Variants in ZNF804B observed in about 807,000 individuals in gnomAD.
ZNF804B encodes the protein zinc finger 804B.
In ZNF804B, 80 loss-of-function variants were observed where a neutral mutation model predicts 101.4. The ratio of observed to expected loss-of-function variants is 0.79; its 90% CI spans 0.66 to 0.95. The LOEUF is 0.95. Ranked by LOEUF, ZNF804B falls within the 40% of genes least tolerant of loss-of-function variation. The pLI, the probability that ZNF804B is intolerant of heterozygous loss-of-function variation, is 0.00. For synonymous variants in ZNF804B, 622 were observed against 558.8 expected (o/e 1.11, Z -1.59); for missense variants, 1,673 against 1,561.9 (o/e 1.07, Z -1.20).
At chr7:89,107,375 TG>T (rs1297036960) in intron 1 of ZNF804B, among the ~76,000 whole-genome samples, 1 of 152,108 alleles carries the variant, frequency 6.6e-6, no homozygotes, top group Non-Finnish European at 1.5e-5. Context: ...TCCATATGTT[TG>T]AGATATCTAT....
chr7:88,946,260 C>T (rs1226890780), intron 1 of ZNF804B, among the ~76,000 whole-genome samples: 2 of 151,032 alleles, frequency 1.3e-5, no homozygotes, highest in East Asian at 2.0e-4. Flanking sequence ...AGATACATTC[C>T]ATCGATACCT....
At chr7:89,290,395 A>C (rs1218843492) in intron 2 of ZNF804B, among the ~76,000 whole-genome samples, 1 of 152,122 alleles carries the variant, frequency 6.6e-6, no homozygotes, top group Non-Finnish European at 1.5e-5. Context: ...AATGGAGTAT[A>C]GCAAAAGTGG....
chr7:88,914,337 T>TCTC (rs1356296014), intron 1 of ZNF804B, among the ~76,000 whole-genome samples: 1 of 152,172 alleles, frequency 6.6e-6, no homozygotes, highest in African/African-American at 2.4e-5. Context: ...TGGCGTGCTC[T>TCTC]CTCCTGCTCC....
intron 1 of ZNF804B, among the ~76,000 whole-genome samples, chr7:88,955,356 C>T (rs1355118802): frequency 6.6e-6 from 1 of 151,392 alleles, no homozygotes; most frequent in Non-Finnish European, 1.5e-5. Context: ...GCTTTAATGT[C>T]TTTTTGGAGC....
chr7:89,232,313 T>A (rs886998119), intron 2 of ZNF804B, among the ~76,000 whole-genome samples: 3 of 152,130 alleles, frequency 2.0e-5, no homozygotes, highest in Non-Finnish European at 4.4e-5. Flanking sequence ...TTTTATAATT[T>A]ATAGGATTTA....
At chr7:89,113,777 C>T (rs970224191) in intron 1 of ZNF804B, among the ~76,000 whole-genome samples, 25 of 152,040 alleles carry the variant, frequency 1.6e-4, no homozygotes, top group African/African-American at 5.3e-4. Context: ...ATAGTGAAAC[C>T]TCGTCTCTAC....
chr7:89,287,940 A>AT (rs1160423781), intron 2 of ZNF804B, among the ~76,000 whole-genome samples: 1 of 151,816 alleles, frequency 6.6e-6, no homozygotes, highest in Non-Finnish European at 1.5e-5. Flanking sequence ...TCAGGAAAAA[A>AT]AAAACCACAT....
chr7:88,969,521 T>G (rs775407074), intron 1 of ZNF804B, among the ~76,000 whole-genome samples: 2 of 151,658 alleles, frequency 1.3e-5, no homozygotes, highest in Non-Finnish European at 3.0e-5. Flanking sequence ...TTCCTGTCAT[T>G]AGAGTGATGA....
At chr7:89,040,661 G>A (rs750376989) in intron 1 of ZNF804B, among the ~76,000 whole-genome samples, 61 of 152,172 alleles carry the variant, frequency 4.0e-4, no homozygotes, top group South Asian at 8.3e-4. Context: ...TCCTATTATG[G>A]TATTGTGTTT....
intron 1 of ZNF804B, among the ~76,000 whole-genome samples, chr7:89,177,777 G>T (rs1039008511): frequency 3.9e-5 from 6 of 151,982 alleles, no homozygotes; most frequent in African/African-American, 1.4e-4. Flanking sequence ...ATATTGGCCA[G>T]GTGCGTTGCT....
At chr7:88,815,199 A>G (rs954553818) in intron 1 of ZNF804B, among the ~76,000 whole-genome samples, 3 of 147,846 alleles carry the variant, frequency 2.0e-5, no homozygotes, top group Non-Finnish European at 4.5e-5. Context: ...ATATATTTTT[A>G]TATATTCTCT....
intron 1 of ZNF804B, among the ~76,000 whole-genome samples, chr7:88,884,134 T>C (rs955123066): frequency 1.5e-4 from 23 of 150,816 alleles, no homozygotes; most frequent in Non-Finnish European, 2.2e-4. Flanking sequence ...GATTTTATCT[T>C]TTTTTTTTCT....
intron 1 of ZNF804B, among the ~76,000 whole-genome samples, chr7:89,181,612 A>AGTGGCCG (rs1788299476): frequency 6.6e-6 from 1 of 152,060 alleles, no homozygotes; most frequent in Non-Finnish European, 1.5e-5. Flanking sequence ...GTCTTTCTTC[A>AGTGGCCG]GTGGCTCTTT....
At chr7:89,050,328 T>A (rs1789179780) in intron 1 of ZNF804B, among the ~76,000 whole-genome samples, 1 of 136,510 alleles carries the variant, frequency 7.3e-6, no homozygotes, top group South Asian at 2.3e-4. Context: ...TAAGAAAGCA[T>A]GGGATCAGAG....
rs73707731 is a variant in ZNF804B, at chr7:89,040,035, G to A, written c.109-178120G>A. The stretch of plus-strand genomic sequence containing the variant: ...ATTCATTTTCCTCTCCAGATCTGGA[G>A]ATTTTTCTGTTATTATTTATTCAAA... On this transcript the variant is annotated intron_variant, in intron 1 of 3. Transcript: ENST00000333190. Among the ~76,000 whole-genome samples, 1,493 of 151,960 alleles carry A rather than the reference G, an allele frequency of 9.8e-3. 28 individuals carry two copies. The highest frequency in any genetic ancestry group is 0.034 in the African/African-American group (1,425 of 41,512).
chr7:89,204,583 C>T (rs1788689990), intron 1 of ZNF804B, among the ~76,000 whole-genome samples: 1 of 152,100 alleles, frequency 6.6e-6, no homozygotes, highest in South Asian at 2.1e-4. Context: ...GGGTTGGTCT[C>T]ATGGGATATG....
intron 1 of ZNF804B, among the ~76,000 whole-genome samples, chr7:88,804,732 G>A (rs1562798569): frequency 6.6e-6 from 1 of 152,002 alleles, no homozygotes; most frequent in African/African-American, 2.4e-5. Context: ...GCTAAAATGT[G>A]TTATCGATAA....
At chr7:88,877,039 A>AT (rs1373036829) in intron 1 of ZNF804B, among the ~76,000 whole-genome samples, 5 of 44,506 alleles carry the variant, frequency 1.1e-4, no homozygotes, top group Non-Finnish European at 4.2e-5. Flanking sequence ...ATATATATAT[A>AT]TATATATATA....
chr7:88,828,380 AT>A (rs990371238), intron 1 of ZNF804B, among the ~76,000 whole-genome samples: 1 of 151,014 alleles, frequency 6.6e-6, no homozygotes, highest in Non-Finnish European at 1.5e-5. Context: ...GATTCAGTGT[AT>A]TTTTTTTTCC....
Sources: allele counts gnomAD v4.1 joint callset (sites outside exome capture counted in the v4.1 genomes callset), GRCh38; gene constraint gnomAD v4.1.1; transcripts MANE v1.5; gene names NCBI Gene and HGNC (gene_info 2026-07-23, HGNC 2026-07-21).